PPHLN1: variants seen among roughly 807,000 people sequenced by gnomAD.
PPHLN1 encodes periphilin-1.
A neutral mutation model predicts 51.3 loss-of-function variants in PPHLN1; 29 were observed. That is an observed-to-expected ratio of 0.57 (90% CI 0.42 to 0.77). PPHLN1 has a LOEUF of 0.77. Among genes scored for constraint, PPHLN1 ranks in the 30% least tolerant of loss-of-function variants. PPHLN1 has a pLI of 0.00. For missense variants in PPHLN1, 436 were observed against 438.4 expected (o/e 0.99, Z 0.05); for synonymous variants, 147 against 147.8 (o/e 0.99, Z 0.04).
At chr12:42,347,587 C>T (rs879432963) in intron 2 of PPHLN1, among the ~76,000 whole-genome samples, 1 of 152,140 alleles carries the variant, frequency 6.6e-6, no homozygotes, top group Admixed American at 6.5e-5. Flanking sequence ...CGAGACCAGC[C>T]TGACCAGTAC....
At chr12:42,438,999 T>C (rs2082712748) in intron 9 of PPHLN1, among the ~76,000 whole-genome samples, 1 of 152,240 alleles carries the variant, frequency 6.6e-6, no homozygotes, top group African/African-American at 2.4e-5. Context: ...AGCTTGTTTG[T>C]TCATGCCCTT....
chr12:42,415,416 C>T (rs554067816), intron 9 of PPHLN1, among the ~76,000 whole-genome samples: 11 of 152,328 alleles, frequency 7.2e-5, no homozygotes, highest in Admixed American at 6.5e-4. Context: ...CATGATTCAC[C>T]CGCCTCGGCC....
At chr12:42,408,827 G>C (rs1286160966) in intron 9 of PPHLN1, among the ~76,000 whole-genome samples, 1 of 152,142 alleles carries the variant, frequency 6.6e-6, no homozygotes, top group Non-Finnish European at 1.5e-5. Context: ...TTAAGTAACT[G>C]ATAAGTCACA....
chr12:42,411,011 C>G, intron 9 of PPHLN1, among the ~76,000 whole-genome samples: 1 of 152,130 alleles, frequency 6.6e-6, no homozygotes, highest in South Asian at 2.1e-4. Flanking sequence ...TACGCCTTCT[C>G]TATCTGAGAG....
chr12:42,426,169 A>G (rs1490820520), intron 9 of PPHLN1, among the ~76,000 whole-genome samples: 2 of 111,424 alleles, frequency 1.8e-5, no homozygotes, highest in East Asian at 5.8e-4. Context: ...ATTAGACTTG[A>G]CACCACACAC....
intron 9 of PPHLN1, among the ~76,000 whole-genome samples, chr12:42,402,769 G>T (rs1318079314): frequency 6.6e-6 from 1 of 152,054 alleles, no homozygotes; most frequent in African/African-American, 2.4e-5. Context: ...TCAGTAATTA[G>T]TATTTGTTGA....
At chr12:42,445,484 C>T, downstream of PPHLN1, 1 of 218,324 alleles carries the variant, frequency 4.6e-6, no homozygotes, top group South Asian at 8.1e-5. Context: ...TATCCGTTGA[C>T]ACCTATTCTC....
At chr12:42,391,198 T>TCTATCATTC (rs1324808618) in intron 7 of PPHLN1, among the ~76,000 whole-genome samples, 3 of 152,142 alleles carry the variant, frequency 2.0e-5, no homozygotes, top group Non-Finnish European at 4.4e-5. Flanking sequence ...GGTTTTCGAA[T>TCTATCATTC]GTGCAGAGAG....
downstream of PPHLN1, chr12:42,446,093 C>T (rs1041599570): frequency 2.6e-6 from 4 of 1,552,108 alleles, no homozygotes; most frequent in Admixed American, 5.9e-5. Flanking sequence ...GGCCCCGCAG[C>T]CCCTGCAGCC....
chr12:42,351,370 A>G (rs1383912491), intron 2 of PPHLN1: 1 of 152,186 alleles, frequency 6.6e-6, no homozygotes, highest in Non-Finnish European at 1.5e-5. Context: ...TTGCTTCTAG[A>G]CCTGTAAAGC....
At position 42,441,642 on chromosome 12, in the gene PPHLN1, A is replaced by G. The variant is rs548269963; in HGVS notation, c.*133A>G. The G allele has an allele frequency of 2.2e-4, 284 of 1,315,550 alleles. 1 individual carries two copies. Among genetic ancestry groups the G allele is most frequent in the Non-Finnish European group, 2.7e-4 (277 of 1,019,654 alleles). The allele number at this position is 1,315,550 out of a possible 1,614,324, so 81.5% of individuals were successfully genotyped here. A position where few individuals can be genotyped will look rare whatever the true frequency, so the allele number is the denominator to read the frequency against. The stretch of plus-strand genomic sequence containing the variant: ...TTATGATAGTTGACAACATTTCAGT[A>G]TTAAATAAACATCTAAAATAGTCTG... On this transcript the variant is annotated 3_prime_UTR_variant, in exon 10 of 10. Transcript: ENST00000358314.
At chr12:42,374,656 G>A (rs1258700987) in intron 4 of PPHLN1, 9 of 312,146 alleles carry the variant, frequency 2.9e-5, no homozygotes, top group South Asian at 1.2e-4. Flanking sequence ...GGGTTTCGCC[G>A]TGTTAGCCAG....
intron 4 of PPHLN1, among the ~76,000 whole-genome samples, chr12:42,366,547 G>A (rs1371958953): frequency 6.6e-6 from 1 of 150,852 alleles, no homozygotes; most frequent in Admixed American, 6.6e-5. Context: ...TTTTGTTTTT[G>A]TTTTTGTTTT....
intron 9 of PPHLN1, among the ~76,000 whole-genome samples, chr12:42,405,651 T>G (rs556592174): frequency 1.6e-4 from 24 of 151,726 alleles, no homozygotes; most frequent in African/African-American, 5.6e-4. Context: ...ATATGTTATT[T>G]CTGTTTTGAA....
At chr12:42,329,569 G>C (rs894896202) in intron 1 of PPHLN1, among the ~76,000 whole-genome samples, 3 of 152,056 alleles carry the variant, frequency 2.0e-5, no homozygotes, top group Admixed American at 1.3e-4. Context: ...ACTATATAGT[G>C]TACTTTTAAT....
At chr12:42,400,771 C>T (rs1010351209) in intron 9 of PPHLN1, among the ~76,000 whole-genome samples, 5 of 145,976 alleles carry the variant, frequency 3.4e-5, no homozygotes, top group Non-Finnish European at 7.4e-5. Context: ...CTCTCTCTCT[C>T]TCTTTCTCTC....
At chr12:42,392,434 A>G (rs867651291) in intron 7 of PPHLN1, among the ~76,000 whole-genome samples, 1 of 152,216 alleles carries the variant, frequency 6.6e-6, no homozygotes, top group Non-Finnish European at 1.5e-5. Flanking sequence ...AGTGCCCAGC[A>G]CTGTCATCCA....
At chr12:42,433,213 G>A in intron 9 of PPHLN1, 1 of 756,202 alleles carries the variant, frequency 1.3e-6, no homozygotes, top group South Asian at 1.4e-5. Context: ...CATGGCTCTT[G>A]GTCATTTGCT....
chr12:42,382,275 A>T (rs1382962900), intron 5 of PPHLN1, among the ~76,000 whole-genome samples: 2 of 152,176 alleles, frequency 1.3e-5, no homozygotes, highest in Non-Finnish European at 2.9e-5. Context: ...CCTCAATAGG[A>T]AAAACATTAT....
Sources: gnomAD v4.1 joint callset for allele counts (sites outside exome capture counted in the v4.1 genomes callset) on GRCh38, gnomAD v4.1.1 for gene constraint, MANE v1.5 for transcripts, NCBI Gene and HGNC (gene_info 2026-07-23, HGNC 2026-07-21) for gene names.